ARHGAP8: variants seen among roughly 807,000 people sequenced by gnomAD.
ARHGAP8 encodes Rho GTPase activating protein 8, also known as rho GTPase-activating protein 8.
Under a neutral mutation model 46.1 loss-of-function variants are expected in ARHGAP8, and 62 were observed. The ratio of observed to expected loss-of-function variants is 1.34; its 90% CI spans 1.10 to 1.66. ARHGAP8 has a LOEUF of 1.66. ARHGAP8 is among the 40% of genes most tolerant of loss of function. The probability of loss-of-function intolerance (pLI) is 0.00; values close to 1 mark genes in which losing one functional copy is unlikely to be tolerated. For missense variants in ARHGAP8, 923 were observed against 568.4 expected (o/e 1.62, Z -6.34); for synonymous variants, 375 against 243.1 (o/e 1.54, Z -5.05).
rs137862462 is a variant in ARHGAP8 at position 44,804,676 on chromosome 22, G to C, written c.167+2512G>C. On this transcript the variant is annotated intron_variant, in intron 3 of 11. Transcript: ENST00000356099. The stretch of plus-strand genomic sequence containing the variant: ...CAGATGCCAGCATCTAACTGCTAAA[G>C]CCAAGGGACTCAGGGAGTGGGCTCG... Among the ~76,000 whole-genome samples the C allele has an allele frequency of 1.2e-3, 190 of 152,042 alleles. 5 individuals are homozygous for C. The East Asian group carries it at 0.026, about 21-fold the overall frequency.
Position 44,808,416 on chromosome 22 carries a change from G to T in ARHGAP8, c.277G>T (p.Ala93Ser). Reference protein sequence around the residue: ...NKPSLGWLQSAYKEFDRKYKK... With the variant: ...NKPSLGWLQSSYKEFDRKYKK... The stretch of plus-strand genomic sequence containing the variant: ...GCCTTCCCTGGGCTGGCTCCAGAGC[G>T]CATACAAGGAGTTCGATAGGAAGTA... Residue 93 changes from alanine to serine, a missense_variant, in exon 4 of 12, where the codon GCA becomes TCA. Transcript: ENST00000356099. 1 of 1,614,154 alleles carries T rather than the reference G, an allele frequency of 6.2e-7. No individual in the cohort carries two copies. The highest frequency in any genetic ancestry group is 1.1e-5 in the South Asian group (1 of 91,084).
intron 2 of ARHGAP8, among the ~76,000 whole-genome samples, chr22:44,792,234 A>T (rs1927746474): frequency 6.6e-6 from 1 of 151,218 alleles, no homozygotes. Context: ...CTGGTCTTGA[A>T]CTCCTGACCT....
rs1928143286 is a variant in ARHGAP8 at position 44,797,079 on chromosome 22, A to ATCTTCT, written c.80-4997_80-4992dup. On this transcript the variant is annotated intron_variant, in intron 2 of 11. Transcript: ENST00000356099. The stretch of plus-strand genomic sequence containing the variant: ...TGGGGCCTGGCAGGGGCCGTGTCTC[A>ATCTTCT]TCTTCTCTCCCCGGAGCTGAGTATA... Among the ~76,000 whole-genome samples, 3 of 152,066 alleles carry ATCTTCT rather than the reference A, an allele frequency of 2.0e-5. No individual in the cohort carries two copies. In the South Asian group the frequency reaches 6.2e-4, roughly 32 times the overall value.
chr22:44,771,995 G>C (rs907531501), intron 1 of ARHGAP8, among the ~76,000 whole-genome samples: 46 of 152,280 alleles, frequency 3.0e-4, no homozygotes, highest in Non-Finnish European at 1.6e-4. Context: ...AGCGCTTTCA[G>C]TCTTTCAGTC....
intron 4 of ARHGAP8, among the ~76,000 whole-genome samples, chr22:44,813,697 A>ATGTAGGTACACCTACACATG (rs1383164815): frequency 6.6e-6 from 1 of 151,106 alleles, no homozygotes; most frequent in African/African-American, 2.4e-5. Context: ...ACCTACACAT[A>ATGTAGGTACACCTACACATG]TGTAGGTACA....
chr22:44,845,382 G>T (rs766377766), intron 8 of ARHGAP8, 40 bp downstream of exon 8: 1 of 1,612,776 alleles, frequency 6.2e-7, no homozygotes, highest in Non-Finnish European at 8.5e-7. Context: ...CGTGAGGGCT[G>T]CTGGGTGCAC....
At chr22:44,757,371 G>A (rs1031142124) in intron 1 of ARHGAP8, among the ~76,000 whole-genome samples, 1 of 151,856 alleles carries the variant, frequency 6.6e-6, no homozygotes, top group Admixed American at 6.6e-5. Flanking sequence ...TCCGCGTCCC[G>A]GGTTCAAGCT....
intron 10 of ARHGAP8, among the ~76,000 whole-genome samples, chr22:44,854,024 CAAAAAAAAAAAAAA>C (rs71315119): frequency 3.7e-4 from 16 of 43,300 alleles, no homozygotes; most frequent in East Asian, 1.4e-3. Context: ...GACTCTGTCT[CAAAAAAAAAAAAAA>C]AAAAAAAAAA....
Position 44,845,255 on chromosome 22 carries a change from T to C in ARHGAP8, c.597-14T>C, listed in dbSNP as rs2069924846. ...CTCAGGTAAAAACTGCGACTTTCTTTTCTGTTTTCTCAGCCTCAAAGACAA... is the reference window on the plus strand; with the variant it reads ...CTCAGGTAAAAACTGCGACTTTCTTCTCTGTTTTCTCAGCCTCAAAGACAA... On this transcript the variant is annotated splice_polypyrimidine_tract_variant and intron_variant, in intron 7 of 11. Coordinates refer to ENST00000356099, the MANE Select transcript of ARHGAP8 (RefSeq NM_181335.3). The C allele has an allele frequency of 5.6e-6, 9 of 1,613,914 alleles. No homozygotes were observed. Among genetic ancestry groups the C allele is most frequent in the Non-Finnish European group, 7.6e-6 (9 of 1,179,966 alleles).
intron 2 of ARHGAP8, among the ~76,000 whole-genome samples, chr22:44,794,322 C>CCAGCTGA (rs1927922142): frequency 6.6e-6 from 1 of 152,194 alleles, no homozygotes; most frequent in Non-Finnish European, 1.5e-5. Flanking sequence ...ACCAAAGAGG[C>CCAGCTGA]GCCAGCCCAG....
At chr22:44,821,075 G>A (rs1033936303) in intron 5 of ARHGAP8, among the ~76,000 whole-genome samples, 1 of 152,040 alleles carries the variant, frequency 6.6e-6, no homozygotes, top group African/African-American at 2.4e-5. Context: ...AAATATCTTC[G>A]GTTTGGCTGA....
At chr22:44,860,355 C>G (rs1422878861) in intron 11 of ARHGAP8, among the ~76,000 whole-genome samples, 2 of 152,138 alleles carry the variant, frequency 1.3e-5, no homozygotes, top group Non-Finnish European at 2.9e-5. Context: ...TCCAGAGGCT[C>G]TAGGGAAGGT....
chr22:44,786,667 T>A, intron 2 of ARHGAP8, 61 bp downstream of exon 2: 1 of 1,556,388 alleles, frequency 6.4e-7, no homozygotes. Flanking sequence ...TCTCGGCAAC[T>A]TTGAGGCAAA....
intron 9 of ARHGAP8, among the ~76,000 whole-genome samples, chr22:44,848,632 C>T (rs2070019482): frequency 6.6e-6 from 1 of 152,248 alleles, no homozygotes; most frequent in South Asian, 2.1e-4. Context: ...ATCTCTGCCA[C>T]AGACCTGGCC....
chr22:44,807,065 G>A (rs1390911215), intron 3 of ARHGAP8, among the ~76,000 whole-genome samples: 1 of 152,206 alleles, frequency 6.6e-6, no homozygotes, highest in Non-Finnish European at 1.5e-5. Flanking sequence ...GTGGGCACAG[G>A]CTGCTGCGGC....
intron 1 of ARHGAP8, among the ~76,000 whole-genome samples, chr22:44,774,029 C>G (rs548852868): frequency 9.9e-5 from 15 of 152,196 alleles, no homozygotes; most frequent in African/African-American, 3.6e-4. Flanking sequence ...GAGGAAGGTG[C>G]TGTTGTTGTC....
At chr22:44,824,966 C>T (rs368304612) in intron 6 of ARHGAP8, among the ~76,000 whole-genome samples, 30 of 152,004 alleles carry the variant, frequency 2.0e-4, no homozygotes, top group African/African-American at 7.2e-4. Flanking sequence ...CTTTAACCAC[C>T]TCCTTCAGAG....
At chr22:44,849,461 G>T in intron 10 of ARHGAP8, 1 of 245,152 alleles carries the variant, frequency 4.1e-6, no homozygotes, top group Non-Finnish European at 8.1e-6. Context: ...ATCATTGTAG[G>T]ATGCCAAGCA....
chr22:44,766,466 GTC>G (rs964303854), intron 1 of ARHGAP8, among the ~76,000 whole-genome samples: 6 of 151,856 alleles, frequency 4.0e-5, no homozygotes, highest in South Asian at 2.1e-4. Flanking sequence ...CTGTGTACGT[GTC>G]TCTGTGCATA....
Sources: allele counts gnomAD v4.1 joint callset (sites outside exome capture counted in the v4.1 genomes callset), GRCh38; gene constraint gnomAD v4.1.1; transcripts MANE v1.5; gene names NCBI Gene and HGNC (gene_info 2026-07-23, HGNC 2026-07-21).